ESR1: variants seen among roughly 807,000 people sequenced by gnomAD.
ESR1 encodes the protein estrogen receptor.
A neutral mutation model predicts 52.7 loss-of-function variants in ESR1; 12 were observed. The ratio of observed to expected loss-of-function variants is 0.23; its 90% CI spans 0.15 to 0.37. The LOEUF (loss-of-function observed/expected upper bound fraction) is 0.37. Among genes scored for constraint, ESR1 ranks in the 10% least tolerant of loss-of-function variants. ESR1 has a pLI of 1.00. For synonymous variants in ESR1, 305 were observed against 316.8 expected (o/e 0.96, Z 0.39); for missense variants, 584 against 779.7 (o/e 0.75, Z 2.99).
chr6:151,667,215 G>A (rs1777860166), intron 1 of ESR1, among the ~76,000 whole-genome samples: 1 of 152,116 alleles, frequency 6.6e-6, no homozygotes, highest in Admixed American at 6.5e-5. Context: ...TGTTCCCATA[G>A]ACACCAATAC....
intron 3 of ESR1, among the ~76,000 whole-genome samples, chr6:151,903,614 C>T (rs959124741): frequency 1.3e-5 from 2 of 152,198 alleles, no homozygotes; most frequent in African/African-American, 2.4e-5. Flanking sequence ...ATCATCCATG[C>T]ATATGACAGC....
chr6:151,866,677 A>G (rs1222061143), intron 2 of ESR1, among the ~76,000 whole-genome samples: 1 of 152,176 alleles, frequency 6.6e-6, no homozygotes, highest in African/African-American at 2.4e-5. Context: ...TTATGGCTGC[A>G]TAGTATTCCA....
chr6:151,859,905 C>T (rs1289587740), intron 2 of ESR1, among the ~76,000 whole-genome samples: 1 of 152,120 alleles, frequency 6.6e-6, no homozygotes, highest in African/African-American at 2.4e-5. Context: ...GTGAATGGCA[C>T]CCTGGTTCCT....
At chr6:152,083,845 A>AT (rs1317936884) in intron 6 of ESR1, among the ~76,000 whole-genome samples, 1 of 152,190 alleles carries the variant, frequency 6.6e-6, no homozygotes, top group Non-Finnish European at 1.5e-5. Flanking sequence ...TAGTTCAACC[A>AT]TTGTGGAAGA....
At chr6:151,687,545 T>A (rs766846604), upstream of ESR1, among the ~76,000 whole-genome samples, 1 of 152,182 alleles carries the variant, frequency 6.6e-6, no homozygotes. Context: ...GGGTGGCAGA[T>A]AAAAACACAC....
chr6:152,089,782 T>C (rs930347650), intron 6 of ESR1, among the ~76,000 whole-genome samples: 6 of 152,224 alleles, frequency 3.9e-5, no homozygotes, highest in Non-Finnish European at 8.8e-5. Context: ...TTTCACCATG[T>C]TGGCCAGGAT....
chr6:151,986,144 G>T lies in ESR1; in HGVS notation c.1097-25512G>T, dbSNP rs557980210. Among the ~76,000 whole-genome samples the T allele has an allele frequency of 2.2e-4, 34 of 152,238 alleles. 1 individual carries two copies. Among genetic ancestry groups the T allele is most frequent in the Non-Finnish European group, 4.4e-4 (30 of 68,032 alleles). On this transcript the variant is annotated intron_variant, in intron 4 of 7. Coordinates refer to ENST00000206249, the MANE Select transcript of ESR1 (RefSeq NM_000125.4). ...AGAAGGCGTGATATGGAAGGGATGT[G>T]ACTGTCCTTCTTCATCTTCATAACG...
chr6:151,664,885 A>T (rs1434068553), intron 1 of ESR1, among the ~76,000 whole-genome samples: 3 of 152,216 alleles, frequency 2.0e-5, no homozygotes, highest in Non-Finnish European at 4.4e-5. Flanking sequence ...GGAATGAAAG[A>T]CTGAAACGGT....
chr6:151,726,910 A>G (rs1205160201), intron 2 of ESR1, among the ~76,000 whole-genome samples: 1 of 152,096 alleles, frequency 6.6e-6, no homozygotes, highest in Non-Finnish European at 1.5e-5. Context: ...AGAAAAAGTG[A>G]TGGTGGGCAT....
At chr6:151,679,071 A>G (rs190506895) in intron 1 of ESR1, among the ~76,000 whole-genome samples, 236 of 152,220 alleles carry the variant, frequency 1.6e-3, no homozygotes, top group African/African-American at 5.3e-3. Context: ...CAAAAAAAGT[A>G]TTTTTCTTTA....
intron 3 of ESR1, among the ~76,000 whole-genome samples, chr6:151,927,829 T>A (rs536972851): frequency 5.3e-5 from 8 of 152,100 alleles, no homozygotes; most frequent in African/African-American, 9.7e-5. Context: ...GTGATTCTCA[T>A]GTGTCAGCCT....
chr6:151,888,289 C>T lies in ESR1; in HGVS notation c.760+7518C>T, dbSNP rs377210372. Among the ~76,000 whole-genome samples the T allele has an allele frequency of 3.4e-4, 52 of 152,184 alleles. No homozygotes were observed. In the East Asian group the frequency reaches 7.5e-3, roughly 22 times the overall value. On this transcript the variant is annotated intron_variant, in intron 3 of 7. Coordinates refer to ENST00000206249, the MANE Select transcript of ESR1 (RefSeq NM_000125.4). ...ATATTTTTAACAATATTAATTCTTCCAGTCTATGTATGGTATATCTTTCCA... is the reference window on the plus strand; with the variant it reads ...ATATTTTTAACAATATTAATTCTTCTAGTCTATGTATGGTATATCTTTCCA...
chr6:152,120,204 T>C (rs6928339), intron 6 of ESR1, among the ~76,000 whole-genome samples: 519 of 152,324 alleles, frequency 3.4e-3, no homozygotes, highest in African/African-American at 9.9e-3. Flanking sequence ...CTCTTCATTG[T>C]GTGGGATTTC....
At chr6:151,922,835 A>G (rs1584247971) in intron 3 of ESR1, among the ~76,000 whole-genome samples, 5 of 152,308 alleles carry the variant, frequency 3.3e-5, no homozygotes, top group Admixed American at 3.3e-4. Flanking sequence ...CTATATATCT[A>G]CACACATATA....
Position 152,098,924 on chromosome 6 carries a change from T to A in ESR1, c.1746T>A (p.Tyr582Ter), listed in dbSNP as rs989861790. The change falls in exon 8 of 8, where the codon TAT becomes TAA. Residue 582 changes from tyrosine (Y) to a stop codon, truncating the protein, a stop_gained. Transcript: ENST00000206249. LOFTEE classifies it high-confidence loss of function. The surrounding 1 kb of genome is among the most constrained non-coding windows in gnomAD (Gnocchi z 5.1). ...CTTCATCGCATTCCTTGCAAAAGTA[T>A]TACATCACGGGGGAGGCAGAGGGTT... is the stretch of plus-strand genomic sequence containing the variant. ...GSTSSHSLQK[Y>*]YITGEAEGFP... 1.2e-6 allele frequency: 2 copies of A among 1,614,152 alleles called. No homozygotes were observed.
chr6:151,684,461 C>T (rs1056577045), intron 1 of ESR1, among the ~76,000 whole-genome samples: 3 of 152,042 alleles, frequency 2.0e-5, no homozygotes, highest in African/African-American at 4.8e-5. Context: ...TGGACGGATT[C>T]GAAATGGTAG....
chr6:152,048,361 C>CAAA (rs1180207041), intron 5 of ESR1, among the ~76,000 whole-genome samples: 5 of 62,264 alleles, frequency 8.0e-5, no homozygotes, highest in African/African-American at 2.1e-4. Context: ...GACACCATCT[C>CAAA]AAAAAAAAAA....
At chr6:152,097,013 C>A (rs1367148770) in intron 7 of ESR1, among the ~76,000 whole-genome samples, 1 of 152,174 alleles carries the variant, frequency 6.6e-6, no homozygotes, top group Non-Finnish European at 1.5e-5. Flanking sequence ...TAAATTTGCA[C>A]TAAATATACA....
chr6:152,042,706 C>G (rs1307498201), intron 5 of ESR1, among the ~76,000 whole-genome samples: 2 of 152,106 alleles, frequency 1.3e-5, no homozygotes, highest in Non-Finnish European at 2.9e-5. Flanking sequence ...TCTACTTGAC[C>G]TGGAAGTTTT....
Sources: allele counts gnomAD v4.1 joint callset (sites outside exome capture counted in the v4.1 genomes callset), GRCh38; gene constraint gnomAD v4.1.1; non-coding constraint Gnocchi (gnomAD v3.1); transcripts MANE v1.5; gene names NCBI Gene and HGNC (gene_info 2026-07-23, HGNC 2026-07-21).